The following ARHGAP18 variants were observed in gnomAD, a reference collection of about 807,000 sequenced individuals.
The protein encoded by ARHGAP18 is Rho GTPase activating protein 18.
ARHGAP18 carries 67 observed loss-of-function variants against 86.2 expected under a neutral mutation model. That is an observed-to-expected ratio of 0.78 (90% CI 0.64 to 0.95). ARHGAP18 has a LOEUF of 0.95. ARHGAP18 is among the 40% of genes least tolerant of loss of function. The probability of loss-of-function intolerance (pLI) is 0.00; values close to 1 mark genes in which losing one functional copy is unlikely to be tolerated. For missense variants in ARHGAP18, 691 were observed against 780.4 expected, an observed-to-expected ratio of 0.89 and a Z score of 1.37; for synonymous variants, 283 against 280.4, an observed-to-expected ratio of 1.01 and a Z score of -0.09.
intron 1 of ARHGAP18, among the ~76,000 whole-genome samples, chr6:129,662,489 C>T (rs17053391): frequency 0.02 from 2,980 of 152,362 alleles, 53 homozygotes; most frequent in Non-Finnish European, 0.031. Flanking sequence ...AAGTCCTTCA[C>T]ATTAGCCCGT....
intron 1 of ARHGAP18, among the ~76,000 whole-genome samples, chr6:129,671,809 A>G (rs1002908527): frequency 6.6e-6 from 1 of 152,230 alleles, no homozygotes; most frequent in African/African-American, 2.4e-5. Flanking sequence ...TCTAGACACC[A>G]GACAATTCTT....
intron 12 of ARHGAP18, among the ~76,000 whole-genome samples, chr6:129,593,951 A>G (rs575454395): frequency 1.3e-5 from 2 of 152,276 alleles, no homozygotes; most frequent in Non-Finnish European, 1.5e-5. Context: ...CAAATGCCCA[A>G]TTATAAACGG....
intron 1 of ARHGAP18, among the ~76,000 whole-genome samples, chr6:129,651,025 TTTTC>T (rs751153862): frequency 1.3e-5 from 2 of 152,230 alleles, no homozygotes; most frequent in Non-Finnish European, 2.9e-5. Context: ...TATGTTTCTT[TTTTC>T]TTTTTTTTCC....
chr6:129,662,913 T>C (rs920459598), intron 1 of ARHGAP18, among the ~76,000 whole-genome samples: 1 of 152,190 alleles, frequency 6.6e-6, no homozygotes, highest in African/African-American at 2.4e-5. Flanking sequence ...GAAATGTAAA[T>C]GTTAATTAAA....
At chr6:129,639,555 T>C (rs926700657) in intron 2 of ARHGAP18, among the ~76,000 whole-genome samples, 4 of 152,316 alleles carry the variant, frequency 2.6e-5, no homozygotes, top group East Asian at 1.9e-4. Context: ...GAATGTTATA[T>C]GGAAGGAGCT....
intron 8 of ARHGAP18, among the ~76,000 whole-genome samples, chr6:129,610,430 G>A (rs1788952664): frequency 6.6e-6 from 1 of 152,212 alleles, no homozygotes; most frequent in Non-Finnish European, 1.5e-5. Flanking sequence ...AGGCAAGGGA[G>A]AAGGGATGGC....
intron 12 of ARHGAP18, among the ~76,000 whole-genome samples, chr6:129,593,160 GT>G: frequency 1.3e-5 from 2 of 152,086 alleles, no homozygotes; most frequent in Middle Eastern, 6.8e-3. Context: ...TTTTTGTTTT[GT>G]TCTAAAATAA....
chr6:129,644,914 A>G (rs1475137184), intron 1 of ARHGAP18, among the ~76,000 whole-genome samples: 3 of 152,234 alleles, frequency 2.0e-5, no homozygotes, highest in Non-Finnish European at 2.9e-5. Flanking sequence ...AATTGACTCA[A>G]TATTTTGACT....
intron 5 of ARHGAP18, among the ~76,000 whole-genome samples, chr6:129,624,769 AC>A: frequency 6.6e-6 from 1 of 150,402 alleles, no homozygotes; most frequent in South Asian, 2.1e-4. Context: ...AGATGGTGAA[AC>A]CCCATCTCTA....
At chr6:129,628,270 G>C (rs1238925559) in intron 5 of ARHGAP18, among the ~76,000 whole-genome samples, 1 of 152,150 alleles carries the variant, frequency 6.6e-6, no homozygotes, top group Non-Finnish European at 1.5e-5. Context: ...AAGAGAGCCT[G>C]GAACATCTTG....
intron 1 of ARHGAP18, among the ~76,000 whole-genome samples, chr6:129,654,621 T>C (rs1284140052): frequency 1.3e-5 from 2 of 152,198 alleles, no homozygotes; most frequent in African/African-American, 4.8e-5. Flanking sequence ...GCCTCAAGCG[T>C]TGCCCCGCTA....
chr6:129,591,786 TG>T (rs2114437824), intron 12 of ARHGAP18, among the ~76,000 whole-genome samples: 1 of 152,288 alleles, frequency 6.6e-6, no homozygotes, highest in South Asian at 2.1e-4. Flanking sequence ...AAGGGCAAAT[TG>T]GAAATACAGC....
intron 8 of ARHGAP18, among the ~76,000 whole-genome samples, chr6:129,608,376 C>T (rs9402148): frequency 0.063 from 9,620 of 151,868 alleles, 320 homozygotes; most frequent in East Asian, 0.13. Flanking sequence ...CATTTGGGGG[C>T]TTCATCTACA....
chr6:129,644,185 G>A (rs1217355609), intron 1 of ARHGAP18, among the ~76,000 whole-genome samples: 1 of 152,066 alleles, frequency 6.6e-6, no homozygotes, highest in Admixed American at 6.6e-5. Context: ...TTCATTGTTT[G>A]CCTTCTTCAT....
Position 129,578,603 on chromosome 6 carries a change from C to T in ARHGAP18, c.1902G>A (p.Gly634=), listed in dbSNP as rs150140819. The change falls in exon 15 of 15, where the codon GGG becomes GGA. Residue 634 remains glycine (G), a splice_region_variant and synonymous_variant. Transcript: ENST00000368149. ...AAGTGTCATCATCAAGGCAGCGTTCCCCTGTTAAAATAGATGTTGTGTCAG... is the reference window on the plus strand; with the variant it reads ...AAGTGTCATCATCAAGGCAGCGTTCTCCTGTTAAAATAGATGTTGTGTCAG... ...VFLYEIGGNI[G]ERCLDDDTYM... The T allele has an allele frequency of 8.1e-6, 13 of 1,607,432 alleles. No homozygotes were observed. The African/African-American group carries it at 1.6e-4, about 20-fold the overall frequency.
At chr6:129,586,661 T>C (rs529244952) in intron 12 of ARHGAP18, among the ~76,000 whole-genome samples, 14 of 152,282 alleles carry the variant, frequency 9.2e-5, no homozygotes, top group Admixed American at 2.6e-4. Context: ...AGTTTTTATA[T>C]ACAGAAAGTC....
chr6:129,686,009 G>C (rs1774418261), intron 1 of ARHGAP18, among the ~76,000 whole-genome samples: 1 of 152,190 alleles, frequency 6.6e-6, no homozygotes, highest in African/African-American at 2.4e-5. Context: ...GGGGCGGGCG[G>C]AGGGGCAGAA....
intron 2 of ARHGAP18, among the ~76,000 whole-genome samples, chr6:129,641,209 CCA>C (rs1269931658): frequency 6.6e-6 from 1 of 152,064 alleles, no homozygotes; most frequent in Non-Finnish European, 1.5e-5. Context: ...TGAAAACCAC[CCA>C]CAAAAATTGG....
At chr6:129,623,804 A>T (rs1562695271) in intron 5 of ARHGAP18, among the ~76,000 whole-genome samples, 2 of 152,216 alleles carry the variant, frequency 1.3e-5, no homozygotes. Flanking sequence ...ACATGGACAG[A>T]TTAACAATAA....
Sources: gnomAD v4.1 joint callset for allele counts (sites outside exome capture counted in the v4.1 genomes callset) on GRCh38, gnomAD v4.1.1 for gene constraint, MANE v1.5 for transcripts, NCBI Gene and HGNC (gene_info 2026-07-23, HGNC 2026-07-21) for gene names.